The following PLPP7 variants were observed in gnomAD, a reference collection of about 807,000 sequenced individuals.
PLPP7 encodes the protein inactive phospholipid phosphatase 7.
Under a neutral mutation model 16.9 loss-of-function variants are expected in PLPP7, and 11 were observed. The observed-to-expected ratio is 0.65, with a 90% CI of 0.41 to 1.08. The LOEUF (loss-of-function observed/expected upper bound fraction) is 1.08, where lower values mean the gene tolerates loss of function less well. Among genes scored for constraint, PLPP7 ranks in the 50% least tolerant of loss-of-function variants. The pLI, the probability that PLPP7 is intolerant of heterozygous loss-of-function variation, is 0.00. For missense variants in PLPP7, 358 were observed against 397.1 expected (o/e 0.90, Z 0.84); for synonymous variants, 174 against 175.1 (o/e 0.99, Z 0.05).
Position 131,290,198 on chromosome 9 carries a change from G to T in PLPP7, c.201G>T (p.Glu67Asp), listed in dbSNP as rs1366068179. 1 of 1,598,202 alleles carries T rather than the reference G, an allele frequency of 6.3e-7. No individual in the cohort carries two copies. The highest frequency in any genetic ancestry group is 1.7e-5 in the Admixed American group (1 of 58,984). Residue 67 changes from glutamate to aspartate, a missense_variant, in exon 1 of 2, where the codon GAG becomes GAT. By Grantham distance (45) the Glu-to-Asp change is conservative. Coordinates refer to ENST00000372264, the MANE Select transcript of PLPP7 (RefSeq NM_032728.4). This position sits in a 1 kb window ranked among gnomAD's most constrained non-coding sequence, Gnocchi z 4.2. ...GACGCCAGTCACAGCAGCTGCCAGA[G>T]GAGGACTGCATGCAGCTGAACCCCT... The part of the protein sequence containing the change: ...RERRQSQQLP[E>D]EDCMQLNPSF...
chr9:131,302,070 C>A (rs550962729), intron 1 of PLPP7, among the ~76,000 whole-genome samples: 94 of 152,206 alleles, frequency 6.2e-4, no homozygotes, highest in Non-Finnish European at 1.1e-3. Flanking sequence ...CCGTCCACCT[C>A]GGCCTCCCAA....
Position 131,308,517 on chromosome 9 carries a change from C to T in PLPP7, c.*230C>T, listed in dbSNP as rs558146147. ...TTGCCCCTTTGCTTGGACTCCAAGT[C>T]TCCTCTCTAGGCAGCCAGGACCCAC... is the stretch of plus-strand genomic sequence containing the variant. On this transcript the variant is annotated 3_prime_UTR_variant, in exon 2 of 2. Coordinates refer to ENST00000372264, the MANE Select transcript of PLPP7 (RefSeq NM_032728.4). The T allele has an allele frequency of 1.7e-5, 12 of 711,574 alleles. No individual in the cohort carries two copies. The highest frequency in any genetic ancestry group is 1.4e-4 in the African/African-American group (8 of 55,988). 44.1% of individuals were successfully genotyped at this position (711,574 alleles called of 1,614,324 possible). A position where few individuals can be genotyped will look rare whatever the true frequency, so the allele number is the denominator to read the frequency against.
rs755534962 is a variant in PLPP7 at position 131,308,308 on chromosome 9, A to AG, written c.*22dup. 16 of 1,572,660 alleles carry AG rather than the reference A, an allele frequency of 1.0e-5. No individual in the cohort carries two copies. The Admixed American group carries it at 2.3e-4, about 22-fold the overall frequency. On this transcript the variant is annotated 3_prime_UTR_variant, in exon 2 of 2. Coordinates refer to ENST00000372264, the MANE Select transcript of PLPP7 (RefSeq NM_032728.4). ...GGTGAAGCGCCCGCCGGCCCACACA[A>AG]GCCTCTGGGGGCAGGGCTGGCCCTA... is the stretch of plus-strand genomic sequence containing the variant.
chr9:131,304,837 T>C (rs1416951214), intron 1 of PLPP7, among the ~76,000 whole-genome samples: 1 of 152,152 alleles, frequency 6.6e-6, no homozygotes, highest in Admixed American at 6.5e-5. Context: ...TCCCAACAGA[T>C]GCCTCAGTGA....
At chr9:131,306,119 C>A (rs1317460714) in intron 1 of PLPP7, among the ~76,000 whole-genome samples, 2 of 152,096 alleles carry the variant, frequency 1.3e-5, no homozygotes, top group Non-Finnish European at 2.9e-5. Flanking sequence ...CGCCTGTAGT[C>A]CCAGCTACTC....
At chr9:131,304,233 G>A (rs946801815) in intron 1 of PLPP7, among the ~76,000 whole-genome samples, 8 of 152,342 alleles carry the variant, frequency 5.3e-5, no homozygotes, top group African/African-American at 1.7e-4. Context: ...TCCTGGCATG[G>A]TGCCTTCCTC....
In PLPP7 at chr9:131,309,195, G is replaced by A. The variant is rs1835891606; in HGVS notation, c.*908G>A. 6.6e-6 allele frequency: 1 copy of A among 152,666 alleles called. No homozygotes were observed. The highest frequency in any genetic ancestry group is 1.5e-5 in the Non-Finnish European group (1 of 68,040). The allele number at this position is 152,666 out of a possible 1,614,324, so 9.5% of individuals were successfully genotyped here. On this transcript the variant is annotated 3_prime_UTR_variant, in exon 2 of 2. Transcript: ENST00000372264. ...GGGCCGGACTCCGTGTGACCTAATA[G>A]GTCGTTTCCAAGTCACCCGTTTTGG...
intron 1 of PLPP7, among the ~76,000 whole-genome samples, chr9:131,306,272 T>G (rs571218450): frequency 6.6e-6 from 1 of 151,746 alleles, no homozygotes; most frequent in Non-Finnish European, 1.5e-5. Flanking sequence ...CCGGGCGCGG[T>G]GGCTCATGTC....
intron 1 of PLPP7, among the ~76,000 whole-genome samples, chr9:131,298,794 C>T (rs1334644505): frequency 1.3e-5 from 2 of 152,230 alleles, no homozygotes; most frequent in African/African-American, 4.8e-5. Flanking sequence ...CTGGCCACCA[C>T]CAACCCCGAG....
chr9:131,291,361 C>T (rs1564245215), intron 1 of PLPP7: 1 of 1,182,734 alleles, frequency 8.5e-7, no homozygotes. Flanking sequence ...CAAGGGGTCT[C>T]AGTTCCAAAA....
intron 1 of PLPP7, among the ~76,000 whole-genome samples, chr9:131,305,271 C>T (rs548637183): frequency 4.6e-5 from 7 of 152,186 alleles, no homozygotes; most frequent in Non-Finnish European, 8.8e-5. Context: ...AAATTGTGGC[C>T]GGGCACAGTG....
Position 131,295,532 on chromosome 9 carries a change from T to C in PLPP7, c.451+5084T>C, listed in dbSNP as rs1251638238. Among the ~76,000 whole-genome samples, 1 of 152,190 alleles carries C rather than the reference T, an allele frequency of 6.6e-6. No homozygotes were observed. The highest frequency in any genetic ancestry group is 1.5e-5 in the Non-Finnish European group (1 of 68,034). On this transcript the variant is annotated intron_variant, in intron 1 of 1. Transcript: ENST00000372264. The surrounding 1 kb of genome is among the most constrained non-coding windows in gnomAD (Gnocchi z 4.0). ...AATTGATCATTGTAGTCATTTGAAG[T>C]GTACAGTTCAGTGGCATTGAGTCCA... is the stretch of plus-strand genomic sequence containing the variant.
Position 131,291,082 on chromosome 9 carries a change from G to A in PLPP7, c.451+634G>A, listed in dbSNP as rs765577369. 2.9e-6 allele frequency: 4 copies of A among 1,366,422 alleles called. No homozygotes were observed. The East Asian group carries it at 1.8e-4, about 62-fold the overall frequency. The allele number at this position is 1,366,422 out of a possible 1,614,324, so 84.6% of individuals were successfully genotyped here. A position where few individuals can be genotyped will look rare whatever the true frequency, so the allele number is the denominator to read the frequency against. On this transcript the variant is annotated intron_variant, in intron 1 of 1. Transcript: ENST00000372264. Reference sequence around the variant, plus strand: ...GGGCCAGTTGTGGGTTTGTTTGTTTGCAAAGTCTTTGCCACCAATGTCTTG... The same window carrying A: ...GGGCCAGTTGTGGGTTTGTTTGTTTACAAAGTCTTTGCCACCAATGTCTTG...
rs1206524171 is a variant in PLPP7, at chr9:131,308,444, C to G, written c.*157C>G. 8.4e-7 allele frequency: 1 copy of G among 1,196,334 alleles called. No individual in the cohort carries two copies. Among genetic ancestry groups the G allele is most frequent in the East Asian group, 2.6e-5 (1 of 38,694 alleles). 74.1% of individuals were successfully genotyped at this position (1,196,334 alleles called of 1,614,324 possible). A position where few individuals can be genotyped will look rare whatever the true frequency, so the allele number is the denominator to read the frequency against. On this transcript the variant is annotated 3_prime_UTR_variant, in exon 2 of 2. Coordinates refer to ENST00000372264, the MANE Select transcript of PLPP7 (RefSeq NM_032728.4). ...CCCTCCTGGCTGGAGGCTGGCGAACCCAGGCCACCCCTCCCGGAGACAAGC... is the reference window on the plus strand; with the variant it reads ...CCCTCCTGGCTGGAGGCTGGCGAACGCAGGCCACCCCTCCCGGAGACAAGC...
chr9:131,290,472 C>T lies in PLPP7; in HGVS notation c.451+24C>T. ...GGGTGAGTGTGCCTGCCGCCCGCCA[C>T]TCACTGTCAGGCCCCTCGGGAGGCA... On this transcript the variant is annotated intron_variant, in intron 1 of 1. Transcript: ENST00000372264. This position sits in a 1 kb window ranked among gnomAD's most constrained non-coding sequence, Gnocchi z 4.2. The T allele has an allele frequency of 6.7e-7, 1 of 1,492,812 alleles. No individual in the cohort carries two copies. The highest frequency in any genetic ancestry group is 8.9e-7 in the Non-Finnish European group (1 of 1,123,082). 92.5% of individuals were successfully genotyped at this position (1,492,812 alleles called of 1,614,324 possible). A position where few individuals can be genotyped will look rare whatever the true frequency, so the allele number is the denominator to read the frequency against.
chr9:131,292,842 C>A, intron 1 of PLPP7: 2 of 985,310 alleles, frequency 2.0e-6, no homozygotes, highest in Non-Finnish European at 2.4e-6. Flanking sequence ...AAATTTGCAA[C>A]CTACTTGTTA....
chr9:131,308,556 C>T lies in PLPP7; in HGVS notation c.*269C>T, dbSNP rs556082337. 17 of 517,894 alleles carry T rather than the reference C, an allele frequency of 3.3e-5. No individual in the cohort carries two copies. Among genetic ancestry groups the T allele is most frequent in the African/African-American group, 2.9e-4 (15 of 51,694 alleles). The allele number at this position is 517,894 out of a possible 1,614,324, so 32.1% of individuals were successfully genotyped here. A position where few individuals can be genotyped will look rare whatever the true frequency, so the allele number is the denominator to read the frequency against. On this transcript the variant is annotated 3_prime_UTR_variant, in exon 2 of 2. Transcript: ENST00000372264. ...GCCAGGACCCACCCATGGGGACAGC[C>T]CTATTTAGCTTCTGCTCTGGGAACA...
intron 1 of PLPP7, among the ~76,000 whole-genome samples, chr9:131,306,468 G>A (rs1191159030): frequency 1.3e-5 from 1 of 77,270 alleles, no homozygotes; most frequent in Non-Finnish European, 3.4e-5. Context: ...CGTGAACCCG[G>A]GAGGTGGGCA....
In PLPP7 at chr9:131,308,206, C is replaced by A; in HGVS notation, c.735C>A (p.Val245=). 1 of 1,599,886 alleles carries A rather than the reference C, an allele frequency of 6.3e-7. No individual in the cohort carries two copies. Among genetic ancestry groups the A allele is most frequent in the South Asian group, 1.1e-5 (1 of 91,072 alleles). The change falls in exon 2 of 2, where the codon GTC becomes GTA. Residue 245 remains valine, a synonymous_variant. Coordinates refer to ENST00000372264, the MANE Select transcript of PLPP7 (RefSeq NM_032728.4). ...HHVTDVLSGF[V]IGYLQFRLVE... ...TCACGGACGTCCTCTCCGGCTTTGT[C>A]ATCGGCTACCTCCAGTTCCGTCTGG...
Sources: allele counts gnomAD v4.1 joint callset (sites outside exome capture counted in the v4.1 genomes callset), GRCh38; gene constraint gnomAD v4.1.1; non-coding constraint Gnocchi (gnomAD v3.1); transcripts MANE v1.5; gene names NCBI Gene and HGNC (gene_info 2026-07-23, HGNC 2026-07-21).